The following CNOT6 variants were observed in gnomAD, a reference collection of about 807,000 sequenced individuals.
CNOT6 encodes the protein carbon catabolite repression 4 protein.
CNOT6 carries 12 observed loss-of-function variants against 61.2 expected under a neutral mutation model. The ratio of observed to expected loss-of-function variants is 0.20; its 90% CI spans 0.13 to 0.32. The LOEUF (loss-of-function observed/expected upper bound fraction) is 0.32, where lower values mean the gene tolerates loss of function less well. Among genes scored for constraint, CNOT6 ranks in the 10% least tolerant of loss-of-function variants. CNOT6 has a pLI of 1.00. For missense variants in CNOT6, 405 were observed against 663.9 expected, an observed-to-expected ratio of 0.61 and a Z score of 4.28; for synonymous variants, 225 against 240.6, an observed-to-expected ratio of 0.94 and a Z score of 0.60.
At chr5:180,554,754 T>A (rs1291135590) in intron 4 of CNOT6, among the ~76,000 whole-genome samples, 2 of 152,192 alleles carry the variant, frequency 1.3e-5, no homozygotes, top group African/African-American at 2.4e-5. Flanking sequence ...AGTGTCCATA[T>A]ACTGACTGCC....
intron 4 of CNOT6, among the ~76,000 whole-genome samples, chr5:180,560,909 T>TTTG (rs759195040): frequency 2.0e-5 from 3 of 151,578 alleles, no homozygotes; most frequent in South Asian, 4.2e-4. Context: ...CTTTGTTCTT[T>TTTG]TTGTTGTTGT....
intron 4 of CNOT6, among the ~76,000 whole-genome samples, chr5:180,557,039 T>C (rs1404209487): frequency 6.6e-6 from 1 of 152,198 alleles, no homozygotes; most frequent in Non-Finnish European, 1.5e-5. Context: ...AGGTTAATTA[T>C]TTGGATATTT....
At chr5:180,520,704 TACA>T (rs1215295461) in intron 1 of CNOT6, among the ~76,000 whole-genome samples, 2 of 152,154 alleles carry the variant, frequency 1.3e-5, no homozygotes, top group Non-Finnish European at 2.9e-5. Context: ...TTAATAGGAT[TACA>T]ACATTTTCTC....
chr5:180,500,960 C>T (rs1284902514), intron 1 of CNOT6, among the ~76,000 whole-genome samples: 2 of 151,954 alleles, frequency 1.3e-5, no homozygotes, highest in Non-Finnish European at 2.9e-5. Flanking sequence ...TTGAGTAGGA[C>T]AGGGAGAAGG....
chr5:180,554,732 A>G (rs1231461218), intron 4 of CNOT6, among the ~76,000 whole-genome samples: 2 of 152,174 alleles, frequency 1.3e-5, no homozygotes, highest in Non-Finnish European at 2.9e-5. Context: ...ACAGAAAAGT[A>G]CTGTGTGGCA....
At chr5:180,538,714 A>G (rs1758853988) in intron 2 of CNOT6, among the ~76,000 whole-genome samples, 1 of 140,470 alleles carries the variant, frequency 7.1e-6, no homozygotes, top group African/African-American at 2.6e-5. Context: ...ATATATATAT[A>G]TACAAAAAAA....
chr5:180,566,197 C>T (rs779966920), intron 7 of CNOT6, among the ~76,000 whole-genome samples: 5 of 152,272 alleles, frequency 3.3e-5, no homozygotes, highest in Non-Finnish European at 5.9e-5. Flanking sequence ...TTGCCATGAC[C>T]GCTAAATACT....
intron 4 of CNOT6, among the ~76,000 whole-genome samples, chr5:180,558,620 G>GCT (rs142658066): frequency 0.18 from 24,478 of 133,008 alleles, 2,105 homozygotes; most frequent in Non-Finnish European, 0.22. Flanking sequence ...TCTTGTGTTT[G>GCT]CTTTTTTTTT....
rs541727078 is a variant in CNOT6 at position 180,549,376 on chromosome 5, A to G, written c.113-555A>G. On this transcript the variant is annotated intron_variant, in intron 2 of 11. Transcript: ENST00000261951. ...TTTTAAAGGATAAATTTGGCCGGGC[A>G]CAGTGGCTCATGCCTGTAACCCCAG... Among the ~76,000 whole-genome samples, 245 of 152,294 alleles carry G rather than the reference A, an allele frequency of 1.6e-3. 4 individuals carry two copies. The South Asian group carries it at 0.039, about 24-fold the overall frequency.
intron 2 of CNOT6, among the ~76,000 whole-genome samples, chr5:180,531,911 T>C (rs768233537): frequency 2.0e-5 from 3 of 152,226 alleles, no homozygotes; most frequent in Non-Finnish European, 4.4e-5. Context: ...GCAGGGAGGT[T>C]GCAGTGAGCC....
chr5:180,496,053 C>T (rs1179850168), intron 1 of CNOT6, among the ~76,000 whole-genome samples: 3 of 152,126 alleles, frequency 2.0e-5, no homozygotes, highest in African/African-American at 7.2e-5. Flanking sequence ...GCTGGGACTA[C>T]CGGCAGACAC....
chr5:180,568,655 C>CT (rs1760590855), intron 9 of CNOT6, among the ~76,000 whole-genome samples: 1 of 152,070 alleles, frequency 6.6e-6, no homozygotes, highest in South Asian at 2.1e-4. Flanking sequence ...AAGCATATTT[C>CT]AAGTGACCAT....
intron 3 of CNOT6, among the ~76,000 whole-genome samples, chr5:180,552,507 G>A (rs1314404788): frequency 2.6e-5 from 4 of 151,908 alleles, no homozygotes; most frequent in African/African-American, 4.8e-5. Flanking sequence ...TTAGCTGGGT[G>A]TGGTGGCAGG....
intron 2 of CNOT6, among the ~76,000 whole-genome samples, chr5:180,543,022 C>T (rs1759122802): frequency 6.6e-6 from 1 of 152,018 alleles, no homozygotes; most frequent in African/African-American, 2.4e-5. Context: ...ACTTCTGTTA[C>T]TAATCTTTTA....
intron 4 of CNOT6, among the ~76,000 whole-genome samples, chr5:180,562,664 C>G (rs78049178): frequency 6.6e-6 from 1 of 151,922 alleles, no homozygotes; most frequent in Admixed American, 6.6e-5. Context: ...GGCGTGAACC[C>G]GGGAGGCGGA....
At chr5:180,541,061 T>C (rs2127734232) in intron 2 of CNOT6, among the ~76,000 whole-genome samples, 1 of 152,262 alleles carries the variant, frequency 6.6e-6, no homozygotes, top group Middle Eastern at 3.4e-3. Flanking sequence ...AAAGAGGTTT[T>C]TGCTGAGCAT....
intron 1 of CNOT6, among the ~76,000 whole-genome samples, chr5:180,509,932 C>T (rs1392282276): frequency 4.7e-5 from 7 of 148,340 alleles, no homozygotes. Flanking sequence ...TACCAAGATA[C>T]CTGCCATAGT....
chr5:180,578,301 C>T lies in CNOT6; in HGVS notation c.*4101C>T, dbSNP rs921360473. The stretch of plus-strand genomic sequence containing the variant: ...ATAAGGAATGGGCTCATGTGTCTTC[C>T]GTCTTTTGGAAGGAGGTTGACATAT... On this transcript the variant is annotated 3_prime_UTR_variant, in exon 12 of 12. Transcript: ENST00000261951. 2 of 152,538 alleles carry T rather than the reference C, an allele frequency of 1.3e-5. No homozygotes were observed. The highest frequency in any genetic ancestry group is 2.1e-4 in the South Asian group (1 of 4,828). 9.4% of individuals were successfully genotyped at this position (152,538 alleles called of 1,614,324 possible).
intron 1 of CNOT6, among the ~76,000 whole-genome samples, chr5:180,497,325 CAAA>C (rs111362029): frequency 7.9e-6 from 1 of 126,094 alleles, no homozygotes. Context: ...AACTCCGTCT[CAAA>C]AAAAAAAAAA....
Sources: gnomAD v4.1 joint callset for allele counts (sites outside exome capture counted in the v4.1 genomes callset) on GRCh38, gnomAD v4.1.1 for gene constraint, MANE v1.5 for transcripts, NCBI Gene and HGNC (gene_info 2026-07-23, HGNC 2026-07-21) for gene names.